The following TTLL5 variants were observed in gnomAD, a reference collection of about 807,000 sequenced individuals.
TTLL5 encodes tubulin tyrosine ligase like 5, also known as tubulin polyglutamylase TTLL5.
In TTLL5, 132 loss-of-function variants were observed where a neutral mutation model predicts 168.4. The ratio of observed to expected loss-of-function variants is 0.78; its 90% CI spans 0.68 to 0.91. The LOEUF (loss-of-function observed/expected upper bound fraction) is 0.91. Among genes scored for constraint, TTLL5 ranks in the 40% least tolerant of loss-of-function variants. The pLI is 0.00. For missense variants in TTLL5, 1,545 were observed against 1,581.5 expected (o/e 0.98, Z 0.39); for synonymous variants, 546 against 558.6 (o/e 0.98, Z 0.32).
chr14:75,884,792 G>A (rs2032013514), intron 30 of TTLL5, among the ~76,000 whole-genome samples: 1 of 151,742 alleles, frequency 6.6e-6, no homozygotes, highest in Admixed American at 6.6e-5. Flanking sequence ...ATATTCTCCT[G>A]ACTTTTAGGA....
At chr14:75,854,182 T>A (rs1050723725) in intron 28 of TTLL5, among the ~76,000 whole-genome samples, 1 of 152,226 alleles carries the variant, frequency 6.6e-6, no homozygotes, top group African/African-American at 2.4e-5. Context: ...CCCTTGCGTC[T>A]TTTTCCAGTC....
chr14:75,908,127 T>C (rs1693413188), intron 31 of TTLL5, among the ~76,000 whole-genome samples: 1 of 152,236 alleles, frequency 6.6e-6, no homozygotes, highest in South Asian at 2.1e-4. Flanking sequence ...GAGCCTGAGC[T>C]GTGTATAAGC....
At chr14:75,808,468 A>C (rs879141268) in intron 27 of TTLL5, among the ~76,000 whole-genome samples, 1 of 152,228 alleles carries the variant, frequency 6.6e-6, no homozygotes, top group Non-Finnish European at 1.5e-5. Flanking sequence ...ATGCTCGTGA[A>C]GTGCTTTTGG....
intron 18 of TTLL5, among the ~76,000 whole-genome samples, chr14:75,753,381 C>T (rs1473011545): frequency 1.3e-5 from 2 of 152,146 alleles, no homozygotes; most frequent in East Asian, 3.9e-4. Flanking sequence ...TAAGAAATGA[C>T]AACTGATAAT....
At position 75,757,923 on chromosome 14, in the gene TTLL5, A is replaced by C. The variant is rs1360767809; in HGVS notation, c.1550+4968A>C. The C allele has an allele frequency of 4.0e-6, 6 of 1,512,402 alleles. No homozygotes were observed. The African/African-American group carries it at 8.3e-5, about 21-fold the overall frequency. 93.7% of individuals were successfully genotyped at this position (1,512,402 alleles called of 1,614,324 possible). A position where few individuals can be genotyped will look rare whatever the true frequency, so the allele number is the denominator to read the frequency against. On this transcript the variant is annotated intron_variant, in intron 18 of 31. Coordinates refer to ENST00000298832, the MANE Select transcript of TTLL5 (RefSeq NM_015072.5). ...CTTTCCATGTGCATAATGTGTGACC[A>C]TGCACAGACTAAGCATAATACCTTA... is the stretch of plus-strand genomic sequence containing the variant.
chr14:75,728,801 T>C (rs1490011306), intron 12 of TTLL5, among the ~76,000 whole-genome samples: 1 of 151,918 alleles, frequency 6.6e-6, no homozygotes, highest in Non-Finnish European at 1.5e-5. Flanking sequence ...TACCATTGAA[T>C]ATCTGGGTAG....
intron 29 of TTLL5, among the ~76,000 whole-genome samples, chr14:75,869,018 G>C (rs2030782936): frequency 1.1e-5 from 1 of 92,716 alleles, no homozygotes; most frequent in East Asian, 5.9e-4. Context: ...GGAGGAGTGT[G>C]TGTGTGTGTG....
intron 12 of TTLL5, among the ~76,000 whole-genome samples, chr14:75,723,327 A>G (rs1887965484): frequency 1.3e-5 from 2 of 152,050 alleles, no homozygotes; most frequent in Admixed American, 1.3e-4. Context: ...CACTTGCTTT[A>G]ATTGCTTTTT....
intron 15 of TTLL5, among the ~76,000 whole-genome samples, chr14:75,735,794 C>G (rs1046975562): frequency 2.0e-5 from 3 of 152,138 alleles, no homozygotes; most frequent in Admixed American, 2.0e-4. Context: ...TCTAAAATAT[C>G]ATTTGATCAA....
rs538034345 is a variant in TTLL5, at chr14:75,724,616, A to T, written c.1042+3913A>T. ...ACTCTATGTTCCAGGTTCTAGAGTTAGTGAGTGAAATAACTCAGGTCAAAA... is the reference window on the plus strand; with the variant it reads ...ACTCTATGTTCCAGGTTCTAGAGTTTGTGAGTGAAATAACTCAGGTCAAAA... On this transcript the variant is annotated intron_variant, in intron 12 of 31. Transcript: ENST00000298832. Among the ~76,000 whole-genome samples the T allele has an allele frequency of 7.2e-5, 11 of 152,332 alleles. No homozygotes were observed. The South Asian group carries it at 2.1e-3, about 29-fold the overall frequency.
At chr14:75,872,213 CAA>C (rs1455123585) in intron 29 of TTLL5, among the ~76,000 whole-genome samples, 2 of 152,000 alleles carry the variant, frequency 1.3e-5, no homozygotes, top group Admixed American at 6.5e-5. Context: ...AATTTTTTTT[CAA>C]ACTTTCCTTT....
At chr14:75,729,112 C>T (rs1160208220) in intron 12 of TTLL5, among the ~76,000 whole-genome samples, 2 of 152,096 alleles carry the variant, frequency 1.3e-5, no homozygotes, top group Non-Finnish European at 2.9e-5. Context: ...TTTGGTTTGG[C>T]TAGGGGCTGA....
At chr14:75,924,059 C>CTTTTTTTTTTTTTTTTTTT (rs2033919414) in intron 31 of TTLL5, among the ~76,000 whole-genome samples, 2 of 95,320 alleles carry the variant, frequency 2.1e-5, no homozygotes, top group Non-Finnish European at 4.3e-5. Flanking sequence ...TTTTTTTTTG[C>CTTTTTTTTTTTTTTTTTTT]TTTCCATTTG....
intron 27 of TTLL5, among the ~76,000 whole-genome samples, chr14:75,816,985 T>TA (rs964969444): frequency 6.9e-6 from 1 of 144,372 alleles, no homozygotes; most frequent in African/African-American, 2.6e-5. Flanking sequence ...TTTTTTTTTT[T>TA]TTTTTTTTTT....
intron 31 of TTLL5, among the ~76,000 whole-genome samples, chr14:75,935,360 C>T (rs560807302): frequency 3.9e-5 from 6 of 152,318 alleles, no homozygotes; most frequent in Admixed American, 2.0e-4. Context: ...AACATCTCCA[C>T]GTATTCAGCT....
intron 21 of TTLL5, among the ~76,000 whole-genome samples, chr14:75,772,088 G>A (rs765659849): frequency 1.1e-4 from 17 of 152,104 alleles, no homozygotes; most frequent in African/African-American, 1.4e-4. Context: ...ATTACACCAT[G>A]TAGTGAAGGC....
intron 11 of TTLL5, 107 bp downstream of exon 11, chr14:75,719,933 G>C (rs1346935772): frequency 8.4e-7 from 1 of 1,192,190 alleles, no homozygotes; most frequent in Non-Finnish European, 1.2e-6. Flanking sequence ...TGCTGAGACG[G>C]GATGATTGTC....
intron 28 of TTLL5, among the ~76,000 whole-genome samples, chr14:75,828,085 C>G (rs982949128): frequency 1.3e-5 from 2 of 152,002 alleles, no homozygotes; most frequent in Non-Finnish European, 2.9e-5. Context: ...GGGTGCATCT[C>G]AATGATGTGA....
At chr14:75,805,039 T>C (rs1893569284) in intron 27 of TTLL5, among the ~76,000 whole-genome samples, 1 of 152,196 alleles carries the variant, frequency 6.6e-6, no homozygotes, top group Non-Finnish European at 1.5e-5. Context: ...ACACCCTTGT[T>C]GGCTCTAGTC....
Sources: gnomAD v4.1 joint callset for allele counts (sites outside exome capture counted in the v4.1 genomes callset) on GRCh38, gnomAD v4.1.1 for gene constraint, MANE v1.5 for transcripts, NCBI Gene and HGNC (gene_info 2026-07-23, HGNC 2026-07-21) for gene names.